KCMF1: variants seen among roughly 807,000 people sequenced by gnomAD.
The protein encoded by KCMF1 is E3 ubiquitin-protein ligase KCMF1.
In KCMF1, 3 loss-of-function variants were observed where a neutral mutation model predicts 41.1. That is an observed-to-expected ratio of 0.07 (90% CI 0.03 to 0.19). The LOEUF (loss-of-function observed/expected upper bound fraction) is 0.19. Among genes scored for constraint, KCMF1 ranks in the 10% least tolerant of loss-of-function variants. The pLI, the probability that KCMF1 is intolerant of heterozygous loss-of-function variation, is 1.00. For missense variants in KCMF1, 286 were observed against 488.9 expected, an observed-to-expected ratio of 0.58 and a Z score of 3.91; for synonymous variants, 142 against 164.5, an observed-to-expected ratio of 0.86 and a Z score of 1.04.
intron 6 of KCMF1, 76 bp from the exon 7 acceptor site, chr2:85,053,072 G>C (rs770313908): frequency 4.5e-6 from 6 of 1,323,932 alleles, no homozygotes; most frequent in Non-Finnish European, 6.1e-6. Context: ...TCACAGTGGA[G>C]AGCACTGTAG....
chr2:84,974,786 A>T (rs1374206012), intron 1 of KCMF1, among the ~76,000 whole-genome samples: 1 of 132,012 alleles, frequency 7.6e-6, no homozygotes, highest in East Asian at 2.4e-4. Context: ...GCTCACTGCA[A>T]CCTGCACCTC....
In KCMF1 at chr2:85,001,975, C is replaced by G. The variant is rs540275930; in HGVS notation, c.17-25914C>G. 7.2e-5 allele frequency among the ~76,000 whole-genome samples: 11 copies of G among 152,238 alleles called. No homozygotes were observed. In the South Asian group the frequency reaches 2.1e-3, roughly 29 times the overall value. On this transcript the variant is annotated intron_variant, in intron 1 of 6. Transcript: ENST00000409785. ...TTATAACACAATGCTATTTGTGGTT[C>G]TAAACATACCTAAACATAAAAAAGG...
chr2:84,976,953 C>A (rs545714526), intron 1 of KCMF1, among the ~76,000 whole-genome samples: 128 of 152,086 alleles, frequency 8.4e-4, no homozygotes, highest in African/African-American at 2.8e-3. Context: ...AATGGCAGCT[C>A]CAACTTTTTG....
chr2:85,010,197 C>T (rs1181903182), intron 1 of KCMF1, among the ~76,000 whole-genome samples: 2 of 152,248 alleles, frequency 1.3e-5, no homozygotes, highest in South Asian at 2.1e-4. Flanking sequence ...CTTGGCCGGG[C>T]GTGGTGGCTC....
intron 1 of KCMF1, among the ~76,000 whole-genome samples, chr2:84,983,417 C>G (rs1232689769): frequency 5.9e-5 from 9 of 152,024 alleles, no homozygotes; most frequent in Non-Finnish European, 1.5e-5. Context: ...GCCTTGACCT[C>G]CCATCCTCAA....
chr2:85,055,637 A>G lies in KCMF1; in HGVS notation c.*2228A>G, dbSNP rs1269319407. ...CCTCACCTCATCCTGTATGTAATCA[A>G]TAATGTATTATTTTAGGGTAGAACG... On this transcript the variant is annotated 3_prime_UTR_variant, in exon 7 of 7. Coordinates refer to ENST00000409785, the MANE Select transcript of KCMF1 (RefSeq NM_020122.5). 3 of 152,194 alleles carry G rather than the reference A, an allele frequency of 2.0e-5. No individual in the cohort carries two copies. The highest frequency in any genetic ancestry group is 1.3e-4 in the Admixed American group (2 of 15,282). 9.4% of individuals were successfully genotyped at this position (152,194 alleles called of 1,614,324 possible). A position where few individuals can be genotyped will look rare whatever the true frequency, so the allele number is the denominator to read the frequency against.
At chr2:84,976,438 G>T (rs1439487438) in intron 1 of KCMF1, among the ~76,000 whole-genome samples, 4 of 151,584 alleles carry the variant, frequency 2.6e-5, no homozygotes, top group South Asian at 2.1e-4. Flanking sequence ...ACTCCTGACC[G>T]CAAGTGATCC....
At chr2:84,974,172 G>T (rs1001274062) in intron 1 of KCMF1, among the ~76,000 whole-genome samples, 14 of 152,032 alleles carry the variant, frequency 9.2e-5, no homozygotes, top group Admixed American at 9.2e-4. Flanking sequence ...TCAGTCATCT[G>T]TCCACCTCCA....
intron 1 of KCMF1, among the ~76,000 whole-genome samples, chr2:84,976,208 T>A (rs943692498): frequency 4.0e-5 from 6 of 151,354 alleles, no homozygotes; most frequent in African/African-American, 1.5e-4. Flanking sequence ...TAACTCCTTT[T>A]TTTTTTTTTT....
At chr2:84,986,960 T>G (rs1382917251) in intron 1 of KCMF1, among the ~76,000 whole-genome samples, 7 of 152,160 alleles carry the variant, frequency 4.6e-5, no homozygotes. Flanking sequence ...TGTTTAGACT[T>G]GGGTTCAATG....
At chr2:85,052,407 G>A (rs901480611) in intron 6 of KCMF1, among the ~76,000 whole-genome samples, 21 of 152,136 alleles carry the variant, frequency 1.4e-4, no homozygotes, top group African/African-American at 4.6e-4. Context: ...AGTTCATTTT[G>A]CTAACCCCAA....
At chr2:84,988,050 G>A (rs1439968359) in intron 1 of KCMF1, among the ~76,000 whole-genome samples, 4 of 151,872 alleles carry the variant, frequency 2.6e-5, no homozygotes, top group East Asian at 1.9e-4. Context: ...GAGAAATGCC[G>A]TCTCTACTAA....
Position 85,004,906 on chromosome 2 carries a change from G to A in KCMF1, c.17-22983G>A, listed in dbSNP as rs533431879. 7.7e-4 allele frequency among the ~76,000 whole-genome samples: 117 copies of A among 152,084 alleles called. 1 individual carries two copies. The highest frequency in any genetic ancestry group is 2.7e-3 in the African/African-American group (114 of 41,500). ...GCTGGAGTGCAGTGGCACAATTTCA[G>A]CTCACTGCAACCTCCGCCTCCCGGA... On this transcript the variant is annotated intron_variant, in intron 1 of 6. Transcript: ENST00000409785.
At chr2:84,986,629 G>A (rs943257829) in intron 1 of KCMF1, among the ~76,000 whole-genome samples, 2 of 151,888 alleles carry the variant, frequency 1.3e-5, no homozygotes, top group African/African-American at 2.4e-5. Context: ...TGTAATCCTA[G>A]CACTTTGGGA....
At chr2:85,043,905 T>C (rs1173589847) in intron 4 of KCMF1, among the ~76,000 whole-genome samples, 1 of 152,210 alleles carries the variant, frequency 6.6e-6, no homozygotes, top group Non-Finnish European at 1.5e-5. Flanking sequence ...GGAAAAGTAA[T>C]GTCCAAATTA....
intron 1 of KCMF1, among the ~76,000 whole-genome samples, chr2:85,021,322 C>T (rs777380720): frequency 2.0e-5 from 3 of 152,118 alleles, no homozygotes; most frequent in Admixed American, 6.6e-5. Flanking sequence ...TCTGGGAAAG[C>T]GATAAAATAA....
intron 1 of KCMF1, among the ~76,000 whole-genome samples, chr2:85,017,110 C>G (rs952055063): frequency 6.6e-6 from 1 of 151,112 alleles, no homozygotes; most frequent in African/African-American, 2.4e-5. Flanking sequence ...CTGCAAGCTC[C>G]GCTTCCCGGG....
intron 1 of KCMF1, among the ~76,000 whole-genome samples, chr2:85,015,206 C>T (rs377434783): frequency 2.0e-5 from 3 of 151,542 alleles, no homozygotes; most frequent in Non-Finnish European, 2.9e-5. Flanking sequence ...TAATCCCCCC[C>T]GCTTTCCCTT....
chr2:85,044,469 G>A (rs994707001), intron 4 of KCMF1, among the ~76,000 whole-genome samples: 2 of 152,040 alleles, frequency 1.3e-5, no homozygotes, highest in East Asian at 1.9e-4. Context: ...TCCACCTCCT[G>A]GATTCAAGTA....
Sources: allele counts gnomAD v4.1 joint callset (sites outside exome capture counted in the v4.1 genomes callset), GRCh38; gene constraint gnomAD v4.1.1; transcripts MANE v1.5; gene names NCBI Gene and HGNC (gene_info 2026-07-23, HGNC 2026-07-21).